Variants in FCHO2 observed in about 807,000 individuals in gnomAD.
FCHO2 encodes the protein F-BAR domain only protein 2.
In FCHO2, 43 loss-of-function variants were observed where a neutral mutation model predicts 114.1. That is an observed-to-expected ratio of 0.38 (90% CI 0.30 to 0.49). FCHO2 has a LOEUF of 0.49. Among genes scored for constraint, FCHO2 ranks in the 20% least tolerant of loss-of-function variants. The pLI, the probability that FCHO2 is intolerant of heterozygous loss-of-function variation, is 0.97. For synonymous variants in FCHO2, 293 were observed against 315.2 expected, an observed-to-expected ratio of 0.93 and a Z score of 0.75; for missense variants, 807 against 950.4, an observed-to-expected ratio of 0.85 and a Z score of 1.98.
At chr5:72,971,712 C>T (rs1187974654) in intron 2 of FCHO2, among the ~76,000 whole-genome samples, 1 of 152,112 alleles carries the variant, frequency 6.6e-6, no homozygotes, top group Middle Eastern at 3.2e-3. Flanking sequence ...TTAATTAGTC[C>T]CATTTGTCAA....
chr5:73,003,756 T>C (rs181459786), intron 5 of FCHO2, among the ~76,000 whole-genome samples: 2 of 152,128 alleles, frequency 1.3e-5, no homozygotes, highest in East Asian at 3.9e-4. Context: ...TAAAAATCAC[T>C]CTGAAGGCCC....
intron 2 of FCHO2, among the ~76,000 whole-genome samples, chr5:72,976,023 A>G (rs1752848490): frequency 6.6e-6 from 1 of 152,164 alleles, no homozygotes; most frequent in African/African-American, 2.4e-5. Context: ...GATTATATGG[A>G]AAGAATATGT....
chr5:73,074,940 T>A, intron 20 of FCHO2, 87 bp downstream of exon 20: 1 of 1,024,438 alleles, frequency 9.8e-7, no homozygotes, highest in Non-Finnish European at 1.4e-6. Flanking sequence ...TTTTAAGAAT[T>A]ACATTTTGAT....
intron 2 of FCHO2, among the ~76,000 whole-genome samples, chr5:72,977,210 C>T (rs1752937764): frequency 6.6e-6 from 1 of 152,278 alleles, no homozygotes; most frequent in South Asian, 2.1e-4. Context: ...CACTGTCTTC[C>T]ACAATGGTTG....
chr5:72,962,503 C>T (rs182465043), intron 1 of FCHO2, among the ~76,000 whole-genome samples: 5 of 152,070 alleles, frequency 3.3e-5, no homozygotes, highest in Non-Finnish European at 5.9e-5. Context: ...ACGGAAGCAC[C>T]CTTAGAAATT....
At chr5:73,015,513 T>C in intron 6 of FCHO2, 113 bp from the exon 7 acceptor site, 1 of 569,788 alleles carries the variant, frequency 1.8e-6, no homozygotes, top group South Asian at 2.6e-5. Flanking sequence ...TCCACCTGCC[T>C]CAGCCTCCCA....
At chr5:73,056,014 A>G in intron 15 of FCHO2, 51 bp from the exon 16 acceptor site, 3 of 1,257,160 alleles carry the variant, frequency 2.4e-6, no homozygotes, top group Non-Finnish European at 3.3e-6. Context: ...TTTCATTAAA[A>G]TATTTTATTT....
chr5:73,086,465 C>A (rs1198337545), intron 24 of FCHO2, among the ~76,000 whole-genome samples: 1 of 152,228 alleles, frequency 6.6e-6, no homozygotes, highest in Non-Finnish European at 1.5e-5. Context: ...CTGCTAGTAC[C>A]TAGCATTTCT....
At chr5:72,982,777 A>G (rs2112647650) in intron 2 of FCHO2, among the ~76,000 whole-genome samples, 1 of 147,236 alleles carries the variant, frequency 6.8e-6, no homozygotes, top group South Asian at 2.1e-4. Flanking sequence ...GGTCTGTAAT[A>G]CATTTTGAGT....
chr5:73,045,073 G>A (rs1756993334), intron 11 of FCHO2, among the ~76,000 whole-genome samples: 1 of 152,180 alleles, frequency 6.6e-6, no homozygotes, highest in Non-Finnish European at 1.5e-5. Flanking sequence ...AAGATGCATA[G>A]AAGGTTGCAA....
chr5:73,056,197 A>T, intron 16 of FCHO2, 90 bp downstream of exon 16: 7 of 996,930 alleles, frequency 7.0e-6, no homozygotes, highest in Non-Finnish European at 1.0e-5. Context: ...GAAAGCACAG[A>T]GATTTCCCTT....
intron 20 of FCHO2, 54 bp downstream of exon 20, chr5:73,074,907 AGGT>A: frequency 7.1e-7 from 1 of 1,400,426 alleles, no homozygotes; most frequent in African/African-American, 1.4e-5. Flanking sequence ...TGGGTGGAGG[AGGT>A]GGTGGGGCTT....
intron 8 of FCHO2, among the ~76,000 whole-genome samples, chr5:73,032,334 A>AT (rs1396190757): frequency 1.3e-5 from 2 of 152,160 alleles, no homozygotes; most frequent in African/African-American, 4.8e-5. Flanking sequence ...TAAAATTTTT[A>AT]ATATATATTT....
chr5:73,075,608 AG>A (rs1348813648), intron 20 of FCHO2, among the ~76,000 whole-genome samples: 1 of 152,152 alleles, frequency 6.6e-6, no homozygotes, highest in Non-Finnish European at 1.5e-5. Flanking sequence ...ATGTGTTTTC[AG>A]AGGAGCGCTG....
intron 8 of FCHO2, among the ~76,000 whole-genome samples, chr5:73,026,656 T>C (rs779528375): frequency 6.6e-6 from 1 of 152,148 alleles, no homozygotes; most frequent in Admixed American, 6.6e-5. Context: ...ATATTACTTA[T>C]TGTATGTACT....
chr5:73,008,530 A>G (rs758437596), intron 6 of FCHO2, among the ~76,000 whole-genome samples: 20 of 152,178 alleles, frequency 1.3e-4, no homozygotes, highest in African/African-American at 2.4e-4. Flanking sequence ...GAAGGGATCA[A>G]TGTTCAATTT....
chr5:72,958,175 C>T (rs1231211790), intron 1 of FCHO2, among the ~76,000 whole-genome samples: 2 of 151,500 alleles, frequency 1.3e-5, no homozygotes, highest in East Asian at 3.9e-4. Context: ...GTTTTTATTT[C>T]TCGTGAAGTC....
chr5:73,013,083 C>T (rs1755107708), intron 6 of FCHO2, among the ~76,000 whole-genome samples: 1 of 152,162 alleles, frequency 6.6e-6, no homozygotes, highest in Admixed American at 6.5e-5. Flanking sequence ...AGTAAATGCT[C>T]CTCAGTTCTT....
At chr5:73,019,415 A>G (rs1036593939) in intron 8 of FCHO2, among the ~76,000 whole-genome samples, 4 of 152,140 alleles carry the variant, frequency 2.6e-5, no homozygotes, top group African/African-American at 9.7e-5. Flanking sequence ...GGTGGTGCAC[A>G]TCTGTAATCC....
Sources: allele counts gnomAD v4.1 joint callset (sites outside exome capture counted in the v4.1 genomes callset), GRCh38; gene constraint gnomAD v4.1.1; transcripts MANE v1.5; gene names NCBI Gene and HGNC (gene_info 2026-07-23, HGNC 2026-07-21).